The following BCL9L variants were observed in gnomAD, a reference collection of about 807,000 sequenced individuals.
BCL9L encodes B-cell CLL/lymphoma 9-like protein.
Under a neutral mutation model 99.4 loss-of-function variants are expected in BCL9L, and 19 were observed. That is an observed-to-expected ratio of 0.19 (90% CI 0.13 to 0.28). The LOEUF (loss-of-function observed/expected upper bound fraction) is 0.28. BCL9L is among the 10% of genes least tolerant of loss of function. The pLI, the probability that BCL9L is intolerant of heterozygous loss-of-function variation, is 1.00. For missense variants in BCL9L, 2,023 were observed against 2,101.6 expected (o/e 0.96, Z 0.73); for synonymous variants, 900 against 854.8 (o/e 1.05, Z -0.92).
Position 118,898,597 on chromosome 11 carries a change from C to T in BCL9L, c.4318G>A (p.Gly1440Ser). 5 of 1,612,022 alleles carry T rather than the reference C, an allele frequency of 3.1e-6. No homozygotes were observed. Among genetic ancestry groups the T allele is most frequent in the Non-Finnish European group, 4.2e-6 (5 of 1,179,624 alleles). ...TGGCTGTAGACCTCGCCCCCCACGC[C>T]CCGCTGCTTCATCAGCATGAAATTC... ...QQNFMLMKQR[G>S]VGGEVYSQPP... Residue 1440 changes from glycine (G) to serine (S), a missense_variant, in exon 10 of 10, where the codon GGC (glycine) becomes AGC (serine). Transcript: ENST00000683865.
intron 2 of BCL9L, among the ~76,000 whole-genome samples, chr11:118,916,713 T>G (rs1355295375): frequency 6.6e-6 from 1 of 152,162 alleles, no homozygotes; most frequent in Non-Finnish European, 1.5e-5. Context: ...CTCCCCCACA[T>G]GATCATAGGT....
At position 118,919,109 on chromosome 11, in the gene BCL9L, CCCCCCCCCG is replaced by C. The variant is rs1565630163; in HGVS notation, c.-130-239_-130-231del. ...CTGACCCCAGCTGCACCGCTGCCCC[CCCCCCCCCG>C]ACCCCCCAACCCCCGCCCACCACAC... On this transcript the variant is annotated intron_variant, in intron 1 of 9. Coordinates refer to ENST00000683865, the MANE Select transcript of BCL9L (RefSeq NM_001378213.1). Among the ~76,000 whole-genome samples, 6 of 18,730 alleles carry C rather than the reference CCCCCCCCCG, an allele frequency of 3.2e-4. 2 individuals are homozygous for C. Among genetic ancestry groups the C allele is most frequent in the South Asian group, 3.4e-3 (1 of 292 alleles). The allele number at this position is 18,730 out of a possible 152,430, so 12.3% of individuals were successfully genotyped here. A position where few individuals can be genotyped will look rare whatever the true frequency, so the allele number is the denominator to read the frequency against.
rs1441350597 is a variant in BCL9L at position 118,902,525 on chromosome 11, A to G, written c.1218T>C (p.His406=). ...SEGLSKEQLE[H]RERSLQTLRD... ...GCAGCGTCTGGAGGGACCGTTCCCG[A>G]TGCTCCAGCTGCTCTTTGGACAAGC... Residue 406 remains histidine (H), a synonymous_variant, in exon 8 of 10, where the codon CAT becomes CAC. Transcript: ENST00000683865. The surrounding 1 kb of genome is among the most constrained non-coding windows in gnomAD (Gnocchi z 7.8). 9.3e-6 allele frequency: 15 copies of G among 1,605,076 alleles called. No individual in the cohort carries two copies. In the East Asian group the frequency reaches 3.3e-4, roughly 36 times the overall value.
chr11:118,898,300 T>TCCCCCC lies in BCL9L; in HGVS notation c.*114_*115insGGGGGG. On this transcript the variant is annotated 3_prime_UTR_variant, in exon 10 of 10. Transcript: ENST00000683865. ...AATGCCACTCCCTACACAAGCCCCC[T>TCCCCCC]CCCACCCCCTCCACCCCACCCCGCG... 1 of 185,488 alleles carries TCCCCCC rather than the reference T, an allele frequency of 5.4e-6. No individual in the cohort carries two copies. Among genetic ancestry groups the TCCCCCC allele is most frequent in the Non-Finnish European group, 1.0e-5 (1 of 98,960 alleles). 11.5% of individuals were successfully genotyped at this position (185,488 alleles called of 1,614,324 possible).
rs375038248 is a variant in BCL9L, at chr11:118,898,238, A to G, written c.*177T>C. On this transcript the variant is annotated 3_prime_UTR_variant, in exon 10 of 10. Coordinates refer to ENST00000683865, the MANE Select transcript of BCL9L (RefSeq NM_001378213.1). ...GCAAAATCCCCCACCCCACACTGCC[A>G]CTTCCCCCTAAGCTGCCAGCACATC... 1 of 905,680 alleles carries G rather than the reference A, an allele frequency of 1.1e-6. No homozygotes were observed. Among genetic ancestry groups the G allele is most frequent in the East Asian group, 2.7e-5 (1 of 36,904 alleles). The allele number at this position is 905,680 out of a possible 1,614,324, so 56.1% of individuals were successfully genotyped here. A position where few individuals can be genotyped will look rare whatever the true frequency, so the allele number is the denominator to read the frequency against.
chr11:118,898,466 G>A lies in BCL9L; in HGVS notation c.4449C>T (p.Ser1483=). ...CTGGTGCCGGGAGGTAGCCCATCTG[G>A]CTGTCCAGGGACACACTGCGCTGCC... ...PLRQRSVSLD[S]QMGYLPAPGG... is the part of the protein sequence containing the mutation. The change falls in exon 10 of 10, where the codon AGC becomes AGT. Residue 1483 remains serine (S), a synonymous_variant. Coordinates refer to ENST00000683865, the MANE Select transcript of BCL9L (RefSeq NM_001378213.1). 6.2e-7 allele frequency: 1 copy of A among 1,606,484 alleles called. No homozygotes were observed. The highest frequency in any genetic ancestry group is 8.5e-7 in the Non-Finnish European group (1 of 1,174,684).
At position 118,901,598 on chromosome 11, in the gene BCL9L, G is replaced by A. The variant is rs772816591; in HGVS notation, c.2145C>T (p.His715=). 4.3e-6 allele frequency: 7 copies of A among 1,614,034 alleles called. No individual in the cohort carries two copies. Among genetic ancestry groups the A allele is most frequent in the Non-Finnish European group, 5.9e-6 (7 of 1,180,026 alleles). Reference sequence around the variant, plus strand: ...GAAACATGGCAGGATCCATCTGTCGGTGCGCCTGCATCATCCGCTCCATCT... The same window carrying A: ...GAAACATGGCAGGATCCATCTGTCGATGCGCCTGCATCATCCGCTCCATCT... ...SMEMERMMQA[H]RQMDPAMFPG... Residue 715 remains histidine (H), a synonymous_variant, in exon 8 of 10, where the codon CAC becomes CAT. Coordinates refer to ENST00000683865, the MANE Select transcript of BCL9L (RefSeq NM_001378213.1). This position sits in a 1 kb window ranked among gnomAD's most constrained non-coding sequence, Gnocchi z 6.6.
chr11:118,918,262 G>GCTGTGTGTGTGTGTGTGTGTGT (rs1555176826), intron 2 of BCL9L, among the ~76,000 whole-genome samples: 29 of 149,048 alleles, frequency 1.9e-4, no homozygotes, highest in African/African-American at 7.0e-4. Flanking sequence ...GAGGGAAGAG[G>GCTGTGTGTGTGTGTGTGTGTGT]CTGTGTGTGT....
Position 118,921,359 on chromosome 11 carries a change from C to T in BCL9L, c.-130-2480G>A, listed in dbSNP as rs1180685452. On this transcript the variant is annotated intron_variant, in intron 1 of 9. Transcript: ENST00000683865. This position sits in a 1 kb window ranked among gnomAD's most constrained non-coding sequence, Gnocchi z 5.4. ...ACTTGCAGCGCAGAGTGTGTGAAGTCGGATTAGAAGGCAATGCTCTGGGGA... is the reference window on the plus strand; with the variant it reads ...ACTTGCAGCGCAGAGTGTGTGAAGTTGGATTAGAAGGCAATGCTCTGGGGA... 6.6e-6 allele frequency among the ~76,000 whole-genome samples: 1 copy of T among 152,086 alleles called. No homozygotes were observed. The highest frequency in any genetic ancestry group is 2.1e-4 in the South Asian group (1 of 4,822).
At chr11:118,904,693 G>A (rs1003374881) in intron 5 of BCL9L, among the ~76,000 whole-genome samples, 2 of 152,232 alleles carry the variant, frequency 1.3e-5, no homozygotes, top group Admixed American at 1.3e-4. Flanking sequence ...AGCATTCTCA[G>A]TTAATGGGAG....
Position 118,913,403 on chromosome 11 carries a change from A to C in BCL9L, c.-76-3388T>G, listed in dbSNP as rs202183674. Among the ~76,000 whole-genome samples the C allele has an allele frequency of 3.3e-5, 5 of 152,264 alleles. No individual in the cohort carries two copies. The East Asian group carries it at 9.6e-4, about 29-fold the overall frequency. ...CCACTGTCCCTTCTGGAGCCTGCAC[A>C]GACAAGTGGCATTGCTTGGACAGGC... On this transcript the variant is annotated intron_variant, in intron 2 of 9. Transcript: ENST00000683865.
Position 118,909,919 on chromosome 11 carries a change from C to A in BCL9L, c.21G>T (p.Lys7Asn). The part of the protein sequence containing the change: MRILAN[K>N]TRLPHPRRRE... ...CCGCCACGACACCCACACACCTTGT[C>A]TTGTTAGCCAGGATCCTCATGGCTC... The change falls in exon 3 of 10, where the codon AAG (lysine) becomes AAT (asparagine). Residue 7 changes from lysine (K) to asparagine (N), a missense_variant. Lys to Asn is a moderately conservative substitution (Grantham distance 94). Coordinates refer to ENST00000683865, the MANE Select transcript of BCL9L (RefSeq NM_001378213.1). 1.9e-6 allele frequency: 3 copies of A among 1,614,160 alleles called. No homozygotes were observed. The highest frequency in any genetic ancestry group is 2.5e-6 in the Non-Finnish European group (3 of 1,179,988).
Position 118,921,771 on chromosome 11 carries a change from TG to T in BCL9L, c.-130-2893del, listed in dbSNP as rs1941148068. 6.6e-6 allele frequency among the ~76,000 whole-genome samples: 1 copy of T among 151,886 alleles called. No homozygotes were observed. Reference sequence around the variant, plus strand: ...TGGAGAATCAGAGGGAACCTGTCTGTGTCCTTTCCCCTACTCCTGGGCAGTG... The same window carrying T: ...TGGAGAATCAGAGGGAACCTGTCTGTTCCTTTCCCCTACTCCTGGGCAGTG... On this transcript the variant is annotated intron_variant, in intron 1 of 9. Transcript: ENST00000683865. This position sits in a 1 kb window ranked among gnomAD's most constrained non-coding sequence, Gnocchi z 5.4.
intron 5 of BCL9L, among the ~76,000 whole-genome samples, chr11:118,907,010 C>T (rs952871872): frequency 1.3e-5 from 2 of 152,238 alleles, no homozygotes; most frequent in Admixed American, 1.3e-4. Flanking sequence ...TCCACACCCA[C>T]TTCTTGTCCT....
rs1290946374 is a variant in BCL9L, at chr11:118,908,507, G to A, written c.175C>T (p.His59Tyr). Residue 59 changes from histidine to tyrosine, a missense_variant, in exon 4 of 10, where the codon CAC becomes TAC. Transcript: ENST00000683865. ...KTGNGGAQSQ[H>Y]QNVNQGPTCN... ...GTGGGTCCTTGGTTCACATTCTGGT[G>A]CTGAGATTGGGCCCCGCCATTCCCT... The A allele has an allele frequency of 6.2e-7, 1 of 1,614,046 alleles. No homozygotes were observed. Among genetic ancestry groups the A allele is most frequent in the Non-Finnish European group, 8.5e-7 (1 of 1,180,022 alleles).
chr11:118,900,253 T>A lies in BCL9L; in HGVS notation c.3125-55A>T, dbSNP rs987551477. The A allele has an allele frequency of 4.7e-6, 7 of 1,500,444 alleles. No individual in the cohort carries two copies. The Admixed American group carries it at 1.1e-4, about 23-fold the overall frequency. 92.9% of individuals were successfully genotyped at this position (1,500,444 alleles called of 1,614,324 possible). A position where few individuals can be genotyped will look rare whatever the true frequency, so the allele number is the denominator to read the frequency against. On this transcript the variant is annotated intron_variant, in intron 8 of 9. Coordinates refer to ENST00000683865, the MANE Select transcript of BCL9L (RefSeq NM_001378213.1). The surrounding 1 kb of genome is among the most constrained non-coding windows in gnomAD (Gnocchi z 5.3). ...GGGTGACTGGGGAGGGGCAGATGAG[T>A]TTGGCTGTGGATATGGGGAGGTTTA...
chr11:118,908,473 AC>A lies in BCL9L; in HGVS notation c.208del (p.Val70TrpfsTer25). 1 of 1,614,110 alleles carries A rather than the reference AC, an allele frequency of 6.2e-7. No homozygotes were observed. On this transcript the variant is annotated frameshift_variant, in exon 4 of 10. Coordinates refer to ENST00000683865, the MANE Select transcript of BCL9L (RefSeq NM_001378213.1). LOFTEE classifies it high-confidence loss of function. ...CCCCGCCCCCACGCCCTTCGAGCCC[AC>A]GTTGCAGGTGGGTCCTTGGTTCACA... ...QNVNQGPTCN[V>X]GSKGVGAGNH... is the part of the protein sequence containing the mutation.
intron 2 of BCL9L, among the ~76,000 whole-genome samples, chr11:118,918,285 CTGTGTCTG>C (rs1305277932): frequency 2.7e-5 from 4 of 148,668 alleles, no homozygotes; most frequent in Admixed American, 6.6e-5. Flanking sequence ...GTGTGTGTGT[CTGTGTCTG>C]TGTGTCTGTG....
chr11:118,918,016 T>G (rs1486375396), intron 2 of BCL9L, among the ~76,000 whole-genome samples: 1 of 152,078 alleles, frequency 6.6e-6, no homozygotes. Context: ...ATCTCTTTCA[T>G]TCCTCAGTAG....
Sources: allele counts gnomAD v4.1 joint callset (sites outside exome capture counted in the v4.1 genomes callset), GRCh38; gene constraint gnomAD v4.1.1; non-coding constraint Gnocchi (gnomAD v3.1); transcripts MANE v1.5; gene names NCBI Gene and HGNC (gene_info 2026-07-23, HGNC 2026-07-21).